CFAP251: variants seen among roughly 807,000 people sequenced by gnomAD.
CFAP251 encodes the protein cilia- and flagella-associated protein 251.
In CFAP251, 93 loss-of-function variants were observed where a neutral mutation model predicts 126.7. The ratio of observed to expected loss-of-function variants is 0.73; its 90% CI spans 0.62 to 0.87. CFAP251 has a LOEUF of 0.87. CFAP251 is among the 40% of genes least tolerant of loss of function. The probability of loss-of-function intolerance (pLI) is 0.00; values close to 1 mark genes in which losing one functional copy is unlikely to be tolerated. For synonymous variants in CFAP251, 503 were observed against 506.9 expected, an observed-to-expected ratio of 0.99 and a Z score of 0.10; for missense variants, 1,287 against 1,389.2, an observed-to-expected ratio of 0.93 and a Z score of 1.17.
intron 3 of CFAP251, among the ~76,000 whole-genome samples, chr12:121,928,644 A>ATATATGTG (rs1880526153): frequency 5.7e-5 from 2 of 35,344 alleles, no homozygotes; most frequent in Non-Finnish European, 2.7e-4. Context: ...ATACGTATAT[A>ATATATGTG]TATATATATA....
intron 2 of CFAP251, 109 bp downstream of exon 2, chr12:121,921,792 C>CCTT: frequency 1.0e-5 from 8 of 796,274 alleles, no homozygotes; most frequent in Non-Finnish European, 7.1e-6. Context: ...CAATCCATTC[C>CCTT]TTTTTTTTTT....
intron 5 of CFAP251, among the ~76,000 whole-genome samples, chr12:121,936,484 G>A (rs1880899460): frequency 6.6e-6 from 1 of 152,176 alleles, no homozygotes; most frequent in African/African-American, 2.4e-5. Flanking sequence ...AAGGAATAAA[G>A]TTTTTAAAAA....
intron 2 of CFAP251, 109 bp downstream of exon 2, chr12:121,921,792 C>CTTTT (rs3040015): frequency 0.046 from 36,101 of 789,802 alleles, 28 homozygotes; most frequent in Non-Finnish European, 0.052. Context: ...CAATCCATTC[C>CTTTT]TTTTTTTTTT....
chr12:121,921,243 G>A (rs1592957317), intron 1 of CFAP251, 43 bp from the exon 2 acceptor site: 1 of 1,522,512 alleles, frequency 6.6e-7, no homozygotes, highest in East Asian at 2.3e-5. Flanking sequence ...ATGGAAATGG[G>A]AAGCTGAGGG....
Position 121,999,645 on chromosome 12 carries a change from A to G in CFAP251, c.3007-71A>G, listed in dbSNP as rs1026995508. 326 of 1,299,020 alleles carry G rather than the reference A, an allele frequency of 2.5e-4. 3 individuals carry two copies. In the East Asian group the frequency reaches 7.9e-3, roughly 32 times the overall value. The allele number at this position is 1,299,020 out of a possible 1,614,324, so 80.5% of individuals were successfully genotyped here. On this transcript the variant is annotated intron_variant, in intron 19 of 21. Coordinates refer to ENST00000288912, the MANE Select transcript of CFAP251 (RefSeq NM_144668.6). ...GCCGCTGCACCAGCCCTACTGTCCA[A>G]TTTTTAGAAATCTATCCTGGTGCCT...
chr12:121,986,311 T>C (rs1882745324), intron 19 of CFAP251, among the ~76,000 whole-genome samples: 1 of 150,384 alleles, frequency 6.6e-6, no homozygotes, highest in African/African-American at 2.5e-5. Flanking sequence ...TTTTTTTTTT[T>C]TTTGGAGACC....
chr12:121,947,372 A>G (rs1229917113), intron 7 of CFAP251, among the ~76,000 whole-genome samples: 1 of 152,118 alleles, frequency 6.6e-6, no homozygotes, highest in Middle Eastern at 3.2e-3. Context: ...TGATTGTCTA[A>G]TAACCCCAAT....
intron 19 of CFAP251, among the ~76,000 whole-genome samples, chr12:121,977,567 A>G (rs1386238440): frequency 2.7e-5 from 4 of 150,872 alleles, no homozygotes; most frequent in African/African-American, 4.9e-5. Context: ...GGCTGAGGCA[A>G]GAGAATCGCT....
chr12:121,941,838 A>G (rs143882591), intron 5 of CFAP251, among the ~76,000 whole-genome samples: 164 of 152,276 alleles, frequency 1.1e-3, no homozygotes, highest in African/African-American at 3.8e-3. Context: ...GGGTGTATGC[A>G]TTGAAGGTTT....
At position 121,934,301 on chromosome 12, in the gene CFAP251, G is replaced by A. The variant is rs753732505; in HGVS notation, c.943G>A (p.Ala315Thr). ...CGTCAGTGAAGACAGGCGGTGGATCGCCACAGCAGACAAAGGGCCAGACTG... is the reference window on the plus strand; with the variant it reads ...CGTCAGTGAAGACAGGCGGTGGATCACCACAGCAGACAAAGGGCCAGACTG... ...LCVSEDRRWIATADKGPDCLV... is the reference protein window; with the variant it reads ...LCVSEDRRWITTADKGPDCLV... Residue 315 changes from alanine (A) to threonine (T), a missense_variant, in exon 5 of 22, where the codon GCC becomes ACC. Ala to Thr is a moderately conservative substitution (Grantham distance 58). Coordinates refer to ENST00000288912, the MANE Select transcript of CFAP251 (RefSeq NM_144668.6). The A allele has an allele frequency of 6.2e-6, 10 of 1,614,000 alleles. No individual in the cohort carries two copies. The highest frequency in any genetic ancestry group is 4.0e-5 in the African/African-American group (3 of 75,024).
Position 121,959,055 on chromosome 12 carries a change from T to G in CFAP251, c.2094T>G (p.His698Gln), listed in dbSNP as rs1328496657. The change falls in exon 13 of 22, where the codon CAT (histidine) becomes CAG (glutamine). Residue 698 changes from histidine (H) to glutamine (Q), a missense_variant. By Grantham distance (24) the His-to-Gln change is conservative. Coordinates refer to ENST00000288912, the MANE Select transcript of CFAP251 (RefSeq NM_144668.6). ...PFKYSRTSVT[H>Q]ISFSHDSQYM... is the part of the protein sequence containing the mutation. Reference sequence around the variant, plus strand: ...AATATTCCAGAACCAGTGTGACTCATATAAGCTTTTCCCATGACTCCCAGT... The same window carrying G: ...AATATTCCAGAACCAGTGTGACTCAGATAAGCTTTTCCCATGACTCCCAGT... 8.7e-6 allele frequency: 14 copies of G among 1,609,562 alleles called. No individual in the cohort carries two copies. Among genetic ancestry groups the G allele is most frequent in the Non-Finnish European group, 1.2e-5 (14 of 1,178,900 alleles).
At chr12:121,970,520 C>T (rs559586703) in intron 17 of CFAP251, among the ~76,000 whole-genome samples, 3 of 152,304 alleles carry the variant, frequency 2.0e-5, no homozygotes, top group South Asian at 2.1e-4. Flanking sequence ...ATCCAGGGAG[C>T]GTTTACAGAG....
chr12:121,966,688 C>T (rs1190773717), intron 15 of CFAP251, among the ~76,000 whole-genome samples: 3 of 150,510 alleles, frequency 2.0e-5, no homozygotes, highest in East Asian at 2.0e-4. Context: ...CAGTTTCAAG[C>T]GATTCTCCTG....
intron 19 of CFAP251, among the ~76,000 whole-genome samples, chr12:121,976,409 T>C (rs1882461201): frequency 6.6e-6 from 1 of 152,034 alleles, no homozygotes; most frequent in South Asian, 2.1e-4. Context: ...TTATTATCCT[T>C]GTTAGTCTCG....
At chr12:121,968,245 C>T in intron 17 of CFAP251, 76 bp downstream of exon 17, 1 of 1,420,136 alleles carries the variant, frequency 7.0e-7, no homozygotes. Flanking sequence ...ACACTGAACC[C>T]TACTGCGTGC....
chr12:121,981,353 C>T (rs1314902426), intron 19 of CFAP251, among the ~76,000 whole-genome samples: 1 of 151,938 alleles, frequency 6.6e-6, no homozygotes, highest in African/African-American at 2.4e-5. Flanking sequence ...GCCTATGGTC[C>T]CAGCTTCTCG....
rs370530855 is a variant in CFAP251, at chr12:121,928,705, T to TATATA, written c.748-3041_748-3040insATATA. ...ATATATATACGTATATATATATATA[T>TATATA]TTTTTTTTTGAGACAGGGTCTTGCT... is the stretch of plus-strand genomic sequence containing the variant. On this transcript the variant is annotated intron_variant, in intron 3 of 21. Coordinates refer to ENST00000288912, the MANE Select transcript of CFAP251 (RefSeq NM_144668.6). Among the ~76,000 whole-genome samples, 4 of 48,298 alleles carry TATATA rather than the reference T, an allele frequency of 8.3e-5. 1 individual carries two copies. The highest frequency in any genetic ancestry group is 2.1e-4 in the African/African-American group (4 of 19,022). The allele number at this position is 48,298 out of a possible 152,430, so 31.7% of individuals were successfully genotyped here.
intron 5 of CFAP251, among the ~76,000 whole-genome samples, chr12:121,936,329 C>G (rs1413916403): frequency 6.6e-6 from 1 of 152,190 alleles, no homozygotes; most frequent in Non-Finnish European, 1.5e-5. Flanking sequence ...TGCCTGTAGT[C>G]CCAGCTACGC....
chr12:122,003,802 T>G lies in CFAP251; in HGVS notation c.*38T>G. 6.7e-7 allele frequency: 1 copy of G among 1,497,102 alleles called. No homozygotes were observed. Among genetic ancestry groups the G allele is most frequent in the Non-Finnish European group, 9.1e-7 (1 of 1,097,320 alleles). 92.7% of individuals were successfully genotyped at this position (1,497,102 alleles called of 1,614,324 possible). A position where few individuals can be genotyped will look rare whatever the true frequency, so the allele number is the denominator to read the frequency against. On this transcript the variant is annotated 3_prime_UTR_variant, in exon 22 of 22. Transcript: ENST00000288912. ...TGTTTAAAGCACAAAGGACTTTGGG[T>G]GTGTGTGCATGCACATGTGTGTGTT...
Sources: allele counts gnomAD v4.1 joint callset (sites outside exome capture counted in the v4.1 genomes callset), GRCh38; gene constraint gnomAD v4.1.1; transcripts MANE v1.5; gene names NCBI Gene and HGNC (gene_info 2026-07-23, HGNC 2026-07-21).